Variants in SIM1 observed in about 807,000 individuals in gnomAD.
SIM1 encodes SIM bHLH transcription factor 1.
SIM1 carries 18 observed loss-of-function variants against 78.2 expected under a neutral mutation model. The ratio of observed to expected loss-of-function variants is 0.23; its 90% CI spans 0.16 to 0.34. The LOEUF is 0.34. SIM1 is among the 10% of genes least tolerant of loss of function. The probability of loss-of-function intolerance (pLI) is 1.00; values close to 1 mark genes in which losing one functional copy is unlikely to be tolerated. For missense variants in SIM1, 939 were observed against 975.1 expected (o/e 0.96, Z 0.49); for synonymous variants, 417 against 385.2 (o/e 1.08, Z -0.97).
chr6:100,449,480 C>A, intron 5 of SIM1, 32 bp from the exon 6 acceptor site: 1 of 1,597,996 alleles, frequency 6.3e-7, no homozygotes, highest in Non-Finnish European at 8.6e-7. Context: ...AAGCTCAGGT[C>A]GTGTGACACC....
chr6:100,420,640 G>A (rs943079935), intron 10 of SIM1, 150 bp downstream of exon 10: 1 of 725,654 alleles, frequency 1.4e-6, no homozygotes, highest in Admixed American at 2.8e-5. Context: ...TTTAAAAGGA[G>A]GCAGATAGTT....
intron 2 of SIM1, chr6:100,462,693 C>A (rs1772886103): frequency 6.6e-6 from 1 of 152,216 alleles, no homozygotes; most frequent in South Asian, 2.1e-4. Flanking sequence ...AGTTGCAAAT[C>A]ATCAAGCTCC....
chr6:100,424,320 G>A (rs1055057112), intron 9 of SIM1, among the ~76,000 whole-genome samples: 9 of 151,984 alleles, frequency 5.9e-5, no homozygotes, highest in Non-Finnish European at 7.4e-5. Context: ...AAAATTTAAC[G>A]GAAGACCATG....
chr6:100,459,882 G>T (rs1451564115), intron 2 of SIM1, among the ~76,000 whole-genome samples: 1 of 152,146 alleles, frequency 6.6e-6, no homozygotes, highest in African/African-American at 2.4e-5. Flanking sequence ...AGTTGAATTT[G>T]TCCTATTTTG....
Position 100,393,876 on chromosome 6 carries a change from T to C in SIM1, c.1181A>G (p.His394Arg). ...TSPYPQYSGF[H>R]TERSESDHDS... is the part of the protein sequence containing the mutation. Reference sequence around the variant, plus strand: ...ATGATCAGATTCCGATCTTTCTGTGTGAAATCCCGAATACTGAAACCGAGT... The same window carrying C: ...ATGATCAGATTCCGATCTTTCTGTGCGAAATCCCGAATACTGAAACCGAGT... Residue 394 changes from histidine to arginine, a missense_variant, in exon 11 of 12, where the codon CAC (histidine) becomes CGC (arginine). Coordinates refer to ENST00000369208, the MANE Select transcript of SIM1 (RefSeq NM_005068.3). 6.4e-7 allele frequency: 1 copy of C among 1,558,790 alleles called. No homozygotes were observed. The highest frequency in any genetic ancestry group is 8.7e-7 in the Non-Finnish European group (1 of 1,149,016).
intron 10 of SIM1, among the ~76,000 whole-genome samples, chr6:100,406,353 C>A (rs1582614036): frequency 6.6e-6 from 1 of 152,132 alleles, no homozygotes; most frequent in Non-Finnish European, 1.5e-5. Flanking sequence ...CCTGCTCCAA[C>A]CCCTTGTGGC....
intron 9 of SIM1, among the ~76,000 whole-genome samples, chr6:100,432,033 C>A (rs1422607833): frequency 6.6e-6 from 1 of 152,096 alleles, no homozygotes; most frequent in Non-Finnish European, 1.5e-5. Flanking sequence ...GTAATCCTAG[C>A]TACATGAGAG....
At chr6:100,455,902 C>A (rs1393237961) in intron 2 of SIM1, among the ~76,000 whole-genome samples, 1 of 152,212 alleles carries the variant, frequency 6.6e-6, no homozygotes, top group East Asian at 1.9e-4. Context: ...TAGTTCTGAA[C>A]TCCCGGCGCC....
chr6:100,391,201 G>T, intron 11 of SIM1, 110 bp from the exon 12 acceptor site: 1 of 1,195,142 alleles, frequency 8.4e-7, no homozygotes, highest in Non-Finnish European at 1.1e-6. Context: ...TTTAATATAT[G>T]CACCAATATT....
chr6:100,402,630 TGCAGTGGC>T (rs1322408792), intron 10 of SIM1, among the ~76,000 whole-genome samples: 1 of 134,208 alleles, frequency 7.5e-6, no homozygotes, highest in East Asian at 2.6e-4. Context: ...CAGGCTGGAG[TGCAGTGGC>T]ACGATCTCGG....
intron 9 of SIM1, among the ~76,000 whole-genome samples, chr6:100,446,694 C>T (rs533001006): frequency 9.8e-5 from 15 of 152,326 alleles, no homozygotes; most frequent in African/African-American, 3.4e-4. Flanking sequence ...TTACGCCCCG[C>T]GCGGGGCCTG....
chr6:100,388,788 T>C lies in SIM1; in HGVS notation c.*1573A>G, dbSNP rs1295501333. On this transcript the variant is annotated 3_prime_UTR_variant, in exon 12 of 12. Coordinates refer to ENST00000369208, the MANE Select transcript of SIM1 (RefSeq NM_005068.3). The stretch of plus-strand genomic sequence containing the variant: ...TCTCTAATCACTTATATCATTTTGC[T>C]TTAATTACTAGAGAATAGAGCATTA... The C allele has an allele frequency of 6.6e-6, 1 of 152,232 alleles. No individual in the cohort carries two copies. Among genetic ancestry groups the C allele is most frequent in the East Asian group, 1.9e-4 (1 of 5,202 alleles). 9.4% of individuals were successfully genotyped at this position (152,232 alleles called of 1,614,324 possible).
rs1057498472 is a variant in SIM1 at position 100,421,043 on chromosome 6, G to A, written c.999-85C>T. The A allele has an allele frequency of 3.5e-6, 5 of 1,410,650 alleles. No homozygotes were observed. The African/African-American group carries it at 5.7e-5, about 16-fold the overall frequency. 87.4% of individuals were successfully genotyped at this position (1,410,650 alleles called of 1,614,324 possible). On this transcript the variant is annotated intron_variant, in intron 9 of 11. Coordinates refer to ENST00000369208, the MANE Select transcript of SIM1 (RefSeq NM_005068.3). ...CTCTCATCAGGAATGATAGTAATCC[G>A]AATTTGAAAAGAAGGCAAGCAAAAG...
intron 9 of SIM1, among the ~76,000 whole-genome samples, chr6:100,432,761 A>T (rs1195612071): frequency 6.6e-6 from 1 of 151,782 alleles, no homozygotes; most frequent in Non-Finnish European, 1.5e-5. Flanking sequence ...TACACTGTTT[A>T]CCCCCAGTAT....
At chr6:100,399,108 T>C (rs1582607294) in intron 10 of SIM1, among the ~76,000 whole-genome samples, 1 of 152,142 alleles carries the variant, frequency 6.6e-6, no homozygotes, top group African/African-American at 2.4e-5. Context: ...GAAATGTCTA[T>C]TCAAGTCCTT....
At chr6:100,425,076 T>A (rs1771691716) in intron 9 of SIM1, among the ~76,000 whole-genome samples, 1 of 152,178 alleles carries the variant, frequency 6.6e-6, no homozygotes, top group African/African-American at 2.4e-5. Context: ...GGCCAGTCTT[T>A]CTCATACTAT....
chr6:100,453,649 G>C, intron 3 of SIM1, 113 bp downstream of exon 3: 3 of 777,780 alleles, frequency 3.9e-6, no homozygotes, highest in Non-Finnish European at 6.1e-6. Context: ...TTTTGTGGGG[G>C]GGGTTGTTTG....
chr6:100,405,836 G>T (rs1221313739), intron 10 of SIM1, among the ~76,000 whole-genome samples: 1 of 152,112 alleles, frequency 6.6e-6, no homozygotes, highest in Non-Finnish European at 1.5e-5. Flanking sequence ...AGGGTGATGT[G>T]CAGCTGGAAG....
At chr6:100,397,601 G>T (rs1201079930) in intron 10 of SIM1, among the ~76,000 whole-genome samples, 1 of 151,634 alleles carries the variant, frequency 6.6e-6, no homozygotes, top group African/African-American at 2.4e-5. Context: ...AAATCTTCAA[G>T]ATCTAGGACT....
Sources: gnomAD v4.1 joint callset for allele counts (sites outside exome capture counted in the v4.1 genomes callset) on GRCh38, gnomAD v4.1.1 for gene constraint, MANE v1.5 for transcripts, NCBI Gene and HGNC (gene_info 2026-07-23, HGNC 2026-07-21) for gene names.